Variants in NUDT6 observed in about 807,000 individuals in gnomAD.
NUDT6 encodes the protein nudix hydrolase 6.
In NUDT6, 24 loss-of-function variants were observed where a neutral mutation model predicts 36.8. The observed-to-expected ratio is 0.65, with a 90% CI of 0.47 to 0.92. The LOEUF (loss-of-function observed/expected upper bound fraction) is 0.92, where lower values mean the gene tolerates loss of function less well. Among genes scored for constraint, NUDT6 ranks in the 40% least tolerant of loss-of-function variants. NUDT6 has a pLI of 0.00. For synonymous variants in NUDT6, 163 were observed against 157.0 expected, an observed-to-expected ratio of 1.04 and a Z score of -0.29; for missense variants, 388 against 392.8, an observed-to-expected ratio of 0.99 and a Z score of 0.10.
chr4:122,902,956 G>A (rs558400557), intron 3 of NUDT6, among the ~76,000 whole-genome samples: 92 of 152,226 alleles, frequency 6.0e-4, no homozygotes, highest in Non-Finnish European at 1.1e-3. Flanking sequence ...TTGGATATCT[G>A]AAAAGAATGC....
intron 3 of NUDT6, among the ~76,000 whole-genome samples, chr4:122,907,609 C>A (rs1341484114): frequency 6.6e-6 from 1 of 151,882 alleles, no homozygotes; most frequent in Non-Finnish European, 1.5e-5. Context: ...CACCACCACG[C>A]CCGGCTAATT....
chr4:122,909,985 T>A (rs79171014), intron 3 of NUDT6, among the ~76,000 whole-genome samples: 6,256 of 152,264 alleles, frequency 0.041, 413 homozygotes, highest in African/African-American at 0.14. Flanking sequence ...TCTGACTATG[T>A]TGAAAAACAC....
At chr4:122,907,261 G>A (rs922999765) in intron 3 of NUDT6, among the ~76,000 whole-genome samples, 1 of 151,926 alleles carries the variant, frequency 6.6e-6, no homozygotes, top group Non-Finnish European at 1.5e-5. Flanking sequence ...CTCCTGAGTA[G>A]CTGGGATTAC....
Position 122,892,954 on chromosome 4 carries a change from G to A in NUDT6, c.825C>T (p.Tyr275=). 1 of 1,614,148 alleles carries A rather than the reference G, an allele frequency of 6.2e-7. No individual in the cohort carries two copies. The highest frequency in any genetic ancestry group is 8.5e-7 in the Non-Finnish European group (1 of 1,180,036). Residue 275 remains tyrosine, a synonymous_variant, in exon 5 of 5, where the codon TAC becomes TAT. Transcript: ENST00000304430. The stretch of plus-strand genomic sequence containing the variant: ...GGTCAATTTTGTCAAACCCTTCTCT[G>A]TACCCATACAGCAGCAGCCTAGCAA... The part of the protein sequence containing the change: ...SRVARLLLYG[Y]REGFDKIDLT...
At chr4:122,909,858 G>C (rs1348832141) in intron 3 of NUDT6, among the ~76,000 whole-genome samples, 2 of 152,212 alleles carry the variant, frequency 1.3e-5, no homozygotes, top group African/African-American at 4.8e-5. Context: ...ATTACAGGAT[G>C]AACTCAGTTA....
intron 3 of NUDT6, among the ~76,000 whole-genome samples, chr4:122,902,438 A>G (rs72674940): frequency 0.036 from 5,473 of 152,228 alleles, 133 homozygotes; most frequent in African/African-American, 0.055. Flanking sequence ...GCTTAACTCC[A>G]TATGTGGAAA....
chr4:122,921,761 C>A (rs1385392343), intron 1 of NUDT6: 3 of 152,090 alleles, frequency 2.0e-5, no homozygotes, highest in African/African-American at 7.3e-5. Flanking sequence ...AACATACACA[C>A]CTACTATGGA....
At chr4:122,897,349 G>A in intron 4 of NUDT6, 1 of 400,874 alleles carries the variant, frequency 2.5e-6, no homozygotes, top group Non-Finnish European at 4.5e-6. Context: ...TATATCCAAA[G>A]CTTCTCATTT....
chr4:122,922,024 C>T (rs1728040087), intron 1 of NUDT6: 1 of 338,918 alleles, frequency 3.0e-6, no homozygotes, highest in East Asian at 4.6e-5. Context: ...TTCTTATCAC[C>T]GGGGTCTGTG....
At chr4:122,897,861 G>A (rs1727412447) in intron 3 of NUDT6, 183 bp from the exon 4 acceptor site, 4 of 580,206 alleles carry the variant, frequency 6.9e-6, no homozygotes, top group Non-Finnish European at 1.2e-5. Flanking sequence ...GGGGGAGCTG[G>A]TAACTGATGA....
chr4:122,915,339 G>A (rs533836332), intron 2 of NUDT6, among the ~76,000 whole-genome samples: 11 of 151,880 alleles, frequency 7.2e-5, no homozygotes, highest in South Asian at 2.1e-4. Flanking sequence ...GCATGGTGGC[G>A]CATGCCTGTA....
At chr4:122,897,255 C>T (rs949683611) in intron 4 of NUDT6, 3 of 187,954 alleles carry the variant, frequency 1.6e-5, no homozygotes, top group African/African-American at 4.8e-5. Context: ...ATGGAATGGT[C>T]AGGAATTTGT....
At chr4:122,920,610 T>C (rs1727954449) in intron 1 of NUDT6, 1 of 152,226 alleles carries the variant, frequency 6.6e-6, no homozygotes, top group Admixed American at 6.5e-5. Context: ...TGGCAGAACC[T>C]GGTACTTAAA....
chr4:122,893,020 G>A lies in NUDT6; in HGVS notation c.759C>T (p.Asp253=), dbSNP rs1369606495. The A allele has an allele frequency of 6.2e-7, 1 of 1,614,124 alleles. No individual in the cohort carries two copies. The highest frequency in any genetic ancestry group is 1.3e-5 in the African/African-American group (1 of 75,038). Reference sequence around the variant, plus strand: ...GAGTTGTATTTTCAGTCTTCGCCAGGTCATTGAGATCCATCCACTCACATC... The same window carrying A: ...GAGTTGTATTTTCAGTCTTCGCCAGATCATTGAGATCCATCCACTCACATC... ...CLRCEWMDLN[D]LAKTENTTPI... is the part of the protein sequence containing the mutation. The change falls in exon 5 of 5, where the codon GAC becomes GAT. Residue 253 remains aspartate (D), a synonymous_variant. Transcript: ENST00000304430.
chr4:122,916,889 A>G (rs1031630636), intron 2 of NUDT6, among the ~76,000 whole-genome samples: 1 of 152,186 alleles, frequency 6.6e-6, no homozygotes, highest in Admixed American at 6.5e-5. Context: ...AGCTGATCTG[A>G]TAACAGGGAA....
intron 4 of NUDT6, chr4:122,895,995 G>C (rs1403264160): frequency 6.6e-6 from 1 of 152,556 alleles, no homozygotes; most frequent in Admixed American, 6.5e-5. Context: ...TAGTCTTTCA[G>C]ACCTCTACTG....
chr4:122,921,609 A>AC (rs1560776719), intron 1 of NUDT6: 3 of 132,506 alleles, frequency 2.3e-5, no homozygotes, highest in Non-Finnish European at 4.9e-5. Context: ...AAAAAAAAAA[A>AC]AAAAAAAAAC....
intron 2 of NUDT6, among the ~76,000 whole-genome samples, chr4:122,915,489 AAAAAAAAAAC>A (rs1350463838): frequency 1.3e-5 from 2 of 148,700 alleles, no homozygotes; most frequent in Admixed American, 6.7e-5. Context: ...AAAAAAAAAA[AAAAAAAAAAC>A]AACTCTGCAC....
chr4:122,918,750 C>T (rs1221650406), intron 1 of NUDT6: 2 of 152,176 alleles, frequency 1.3e-5, no homozygotes, highest in Admixed American at 6.5e-5. Context: ...TAAAGACTTC[C>T]TGATTTGAGT....
Sources: gnomAD v4.1 joint callset for allele counts (sites outside exome capture counted in the v4.1 genomes callset) on GRCh38, gnomAD v4.1.1 for gene constraint, MANE v1.5 for transcripts, NCBI Gene and HGNC (gene_info 2026-07-23, HGNC 2026-07-21) for gene names.